ABCB5: variants seen among roughly 807,000 people sequenced by gnomAD.
ABCB5 encodes ATP binding cassette subfamily B member 5, also known as ATP-binding cassette sub-family B member 5.
Under a neutral mutation model 144.2 loss-of-function variants are expected in ABCB5, and 155 were observed. The ratio of observed to expected loss-of-function variants is 1.08; its 90% CI spans 0.94 to 1.23. The LOEUF is 1.23. Among genes scored for constraint, ABCB5 ranks in the 50% most tolerant of loss-of-function variants. ABCB5 has a pLI of 0.00. For synonymous variants in ABCB5, 610 were observed against 528.6 expected (o/e 1.15, Z -2.11); for missense variants, 1,830 against 1,520.8 (o/e 1.20, Z -3.38).
rs1787049053 is a variant in ABCB5, at chr7:20,711,778, C to CTCTTTCTTTCTTTCTTTTTTTCTT, written c.2421+6988_2421+6989insTTTTCTTTCTTTCTTTCTTTCTTT. Among the ~76,000 whole-genome samples the CTCTTTCTTTCTTTCTTTTTTTCTT allele has an allele frequency of 1.9e-4, 9 of 47,110 alleles. 3 individuals are homozygous for CTCTTTCTTTCTTTCTTTTTTTCTT. The highest frequency in any genetic ancestry group is 4.8e-4 in the African/African-American group (4 of 8,320). 30.9% of individuals were successfully genotyped at this position (47,110 alleles called of 152,430 possible). On this transcript the variant is annotated intron_variant, in intron 20 of 27. Coordinates refer to ENST00000404938, the MANE Select transcript of ABCB5 (RefSeq NM_001163941.2). The stretch of plus-strand genomic sequence containing the variant: ...CCAGCCTGCCTGCCTTTCCTTCTTT[C>CTCTTTCTTTCTTTCTTTTTTTCTT]TCTTTCTTTCTTTCTTTCTTTCTTT...
chr7:20,716,421 A>G (rs1473494560), intron 20 of ABCB5, among the ~76,000 whole-genome samples: 1 of 152,236 alleles, frequency 6.6e-6, no homozygotes, highest in Non-Finnish European at 1.5e-5. Flanking sequence ...ATTGCACATC[A>G]CAATATATAT....
At chr7:20,638,911 G>A (rs564285226) in intron 5 of ABCB5, among the ~76,000 whole-genome samples, 11 of 152,080 alleles carry the variant, frequency 7.2e-5, no homozygotes, top group African/African-American at 2.7e-4. Flanking sequence ...GTAAATTTAG[G>A]TTTGTCTCTT....
chr7:20,749,146 TC>T (rs1562592704), intron 26 of ABCB5, among the ~76,000 whole-genome samples: 1 of 138,320 alleles, frequency 7.2e-6, no homozygotes. Context: ...TTTTCCTCCC[TC>T]CCTCCCTCTC....
intron 16 of ABCB5, among the ~76,000 whole-genome samples, chr7:20,693,227 A>T (rs1786293190): frequency 6.6e-6 from 1 of 151,964 alleles, no homozygotes; most frequent in Non-Finnish European, 1.5e-5. Flanking sequence ...ATTAACCAGG[A>T]ATAGTGGCAT....
intron 22 of ABCB5, among the ~76,000 whole-genome samples, chr7:20,727,700 C>T (rs913712983): frequency 6.6e-6 from 1 of 152,210 alleles, no homozygotes; most frequent in Non-Finnish European, 1.5e-5. Context: ...TGCCATTACA[C>T]TCCAACTCCA....
At chr7:20,618,776 T>C (rs1463549484) in intron 1 of ABCB5, among the ~76,000 whole-genome samples, 2 of 130,966 alleles carry the variant, frequency 1.5e-5, no homozygotes, top group African/African-American at 2.9e-5. Flanking sequence ...TTTTTTTTTT[T>C]TTTTTTTTTT....
At chr7:20,693,724 C>T (rs866666400) in intron 16 of ABCB5, among the ~76,000 whole-genome samples, 6 of 151,826 alleles carry the variant, frequency 4.0e-5, no homozygotes, top group African/African-American at 1.2e-4. Flanking sequence ...CAATCAAATA[C>T]AAAGCTGGTT....
intron 16 of ABCB5, among the ~76,000 whole-genome samples, chr7:20,691,582 T>TTTATTTATTTA (rs1786231526): frequency 2.4e-4 from 35 of 146,890 alleles, no homozygotes; most frequent in East Asian, 1.6e-3. Context: ...TTAAATTCAT[T>TTTATTTATTTA]TTTATTTATT....
At chr7:20,747,102 A>AT (rs1284461910) in intron 26 of ABCB5, among the ~76,000 whole-genome samples, 2 of 152,102 alleles carry the variant, frequency 1.3e-5, no homozygotes, top group African/African-American at 4.8e-5. Flanking sequence ...GGATTCACAT[A>AT]TTTTTTATAA....
chr7:20,643,717 C>A, intron 7 of ABCB5, 85 bp downstream of exon 7: 2 of 1,463,194 alleles, frequency 1.4e-6, no homozygotes, highest in Non-Finnish European at 1.9e-6. Context: ...AATGGCTTTT[C>A]TATTCACTTG....
chr7:20,624,724 C>T (rs909422710), intron 2 of ABCB5, among the ~76,000 whole-genome samples: 2 of 152,182 alleles, frequency 1.3e-5, no homozygotes, highest in Non-Finnish European at 2.9e-5. Context: ...TGCTGATTTG[C>T]GCTAATGAAA....
intron 9 of ABCB5, among the ~76,000 whole-genome samples, 182 bp downstream of exon 9, chr7:20,646,320 A>C (rs1248504186): frequency 1.3e-5 from 2 of 152,200 alleles, no homozygotes; most frequent in African/African-American, 2.4e-5. Context: ...GCATTTATTC[A>C]TCCAGCATGT....
chr7:20,625,148 G>A (rs1307607970), intron 2 of ABCB5, among the ~76,000 whole-genome samples: 1 of 152,168 alleles, frequency 6.6e-6, no homozygotes, highest in Non-Finnish European at 1.5e-5. Context: ...TTTTGCAATG[G>A]TAAAGCATTC....
At chr7:20,715,058 A>G (rs541637004) in intron 20 of ABCB5, among the ~76,000 whole-genome samples, 39 of 152,124 alleles carry the variant, frequency 2.6e-4, no homozygotes, top group South Asian at 1.5e-3. Context: ...TTATTTATTT[A>G]TTATGAGACA....
chr7:20,659,439 C>G (rs1349988503), intron 14 of ABCB5: 1 of 1,121,416 alleles, frequency 8.9e-7, no homozygotes, highest in Non-Finnish European at 1.1e-6. Context: ...TTTTAAAATG[C>G]TGACTTTATG....
chr7:20,645,393 C>T (rs1784379059), intron 7 of ABCB5, among the ~76,000 whole-genome samples: 1 of 152,180 alleles, frequency 6.6e-6, no homozygotes, highest in Admixed American at 6.5e-5. Context: ...GGTGGATAGA[C>T]TTGCTATGCG....
chr7:20,738,521 A>G (rs984434369), intron 23 of ABCB5, among the ~76,000 whole-genome samples: 4 of 152,214 alleles, frequency 2.6e-5, no homozygotes, highest in Admixed American at 6.5e-5. Context: ...CAGACAGATA[A>G]CCAGTCATTT....
In ABCB5 at chr7:20,651,536, G is replaced by A. The variant is rs771905192; in HGVS notation, c.1449G>A (p.Lys483=). 6.2e-6 allele frequency: 10 copies of A among 1,613,988 alleles called. No individual in the cohort carries two copies. In the Admixed American group the frequency reaches 1.7e-4, roughly 27 times the overall value. ...LFGTTISNNI[K]YGRDDVTDEE... is the part of the protein sequence containing the mutation. ...GGACCACCATCAGTAACAATATCAA[G>A]TATGGACGAGATGATGTGACTGATG... The change falls in exon 13 of 28, where the codon AAG becomes AAA. Residue 483 remains lysine, a synonymous_variant. Transcript: ENST00000404938.
chr7:20,753,357 T>C lies in ABCB5; in HGVS notation c.3430-3T>C. On this transcript the variant is annotated splice_polypyrimidine_tract_variant and splice_region_variant and intron_variant, in intron 26 of 27. Coordinates refer to ENST00000404938, the MANE Select transcript of ABCB5 (RefSeq NM_001163941.2). ...CTTTCTTAATTGCATGCTCCTGTGATAGAAATACAACACACAAGTTGGACT... is the reference window on the plus strand; with the variant it reads ...CTTTCTTAATTGCATGCTCCTGTGACAGAAATACAACACACAAGTTGGACT... 1.9e-6 allele frequency: 3 copies of C among 1,607,936 alleles called. No homozygotes were observed. The highest frequency in any genetic ancestry group is 2.2e-5 in the South Asian group (2 of 90,014).
Sources: gnomAD v4.1 joint callset for allele counts (sites outside exome capture counted in the v4.1 genomes callset) on GRCh38, gnomAD v4.1.1 for gene constraint, MANE v1.5 for transcripts, NCBI Gene and HGNC (gene_info 2026-07-23, HGNC 2026-07-21) for gene names.